The following PCCA variants were observed in gnomAD, a reference collection of about 807,000 sequenced individuals.
PCCA encodes the protein propionyl-CoA carboxylase subunit alpha.
Under a neutral mutation model 101.3 loss-of-function variants are expected in PCCA, and 74 were observed. The ratio of observed to expected loss-of-function variants is 0.73; its 90% CI spans 0.61 to 0.89. PCCA has a LOEUF of 0.89. Among genes scored for constraint, PCCA ranks in the 40% least tolerant of loss-of-function variants. The pLI is 0.00. For missense variants in PCCA, 891 were observed against 907.0 expected, an observed-to-expected ratio of 0.98 and a Z score of 0.23; for synonymous variants, 294 against 313.6, an observed-to-expected ratio of 0.94 and a Z score of 0.66.
rs77666270 is a variant in PCCA at position 100,502,614 on chromosome 13, T to C, written c.1900-12813T>C. Among the ~76,000 whole-genome samples the C allele has an allele frequency of 3.0e-3, 464 of 152,372 alleles. 2 individuals are homozygous for C. The highest frequency in any genetic ancestry group is 0.01 in the African/African-American group (435 of 41,594). The stretch of plus-strand genomic sequence containing the variant: ...GGGAATCGACCTTAACTTCTGTGAC[T>C]AAAGCTTTTGGCAGTTACTTTTGGC... On this transcript the variant is annotated intron_variant, in intron 21 of 23. Coordinates refer to ENST00000376285, the MANE Select transcript of PCCA (RefSeq NM_000282.4).
At chr13:100,505,600 C>G (rs933090449) in intron 21 of PCCA, among the ~76,000 whole-genome samples, 7 of 152,210 alleles carry the variant, frequency 4.6e-5, no homozygotes, top group African/African-American at 9.6e-5. Flanking sequence ...TGCAGTGACT[C>G]ATGCCTGTAA....
intron 22 of PCCA, among the ~76,000 whole-genome samples, chr13:100,523,706 G>C (rs1014915225): frequency 2.0e-5 from 3 of 152,214 alleles, no homozygotes; most frequent in African/African-American, 4.8e-5. Flanking sequence ...CAATAAGCTG[G>C]ATGAAAGATA....
chr13:100,438,942 A>G (rs545400707), intron 20 of PCCA, among the ~76,000 whole-genome samples: 1 of 152,354 alleles, frequency 6.6e-6, no homozygotes, highest in East Asian at 1.9e-4. Flanking sequence ...CAGTATCTTA[A>G]ACAATGGAAC....
At chr13:100,527,880 G>A (rs1368063361) in intron 23 of PCCA, 128 bp downstream of exon 23, 2 of 762,664 alleles carry the variant, frequency 2.6e-6, no homozygotes, top group Non-Finnish European at 4.7e-6. Flanking sequence ...TACAGAGGAG[G>A]ACGTTAGGAT....
At chr13:100,323,408 A>G (rs1595341690) in intron 16 of PCCA, among the ~76,000 whole-genome samples, 1 of 150,522 alleles carries the variant, frequency 6.6e-6, no homozygotes, top group Non-Finnish European at 1.5e-5. Context: ...TACAACCTTC[A>G]CCTCCCGGCT....
At chr13:100,322,632 G>C (rs1278319171) in intron 16 of PCCA, among the ~76,000 whole-genome samples, 1 of 151,054 alleles carries the variant, frequency 6.6e-6, no homozygotes, top group African/African-American at 2.4e-5. Context: ...GTACAGTGAT[G>C]CAGCCGTAGC....
intron 20 of PCCA, among the ~76,000 whole-genome samples, chr13:100,440,213 A>G: frequency 8.2e-6 from 1 of 121,910 alleles, no homozygotes; most frequent in South Asian, 2.8e-4. Flanking sequence ...TATATATAAA[A>G]CGTGATAACT....
chr13:100,480,933 G>T (rs983275078), intron 21 of PCCA: 1 of 152,280 alleles, frequency 6.6e-6, no homozygotes, highest in Non-Finnish European at 1.5e-5. Flanking sequence ...AAAATCCCCA[G>T]GGGATGCCTA....
At chr13:100,150,564 G>T in intron 4 of PCCA, 4 of 1,263,510 alleles carry the variant, frequency 3.2e-6, no homozygotes, top group South Asian at 2.4e-5. Flanking sequence ...TGGAACTTAC[G>T]GCCGTTTCCA....
At chr13:100,100,502 CA>C (rs2047175619) in intron 1 of PCCA, among the ~76,000 whole-genome samples, 1 of 152,322 alleles carries the variant, frequency 6.6e-6, no homozygotes, top group South Asian at 2.1e-4. Context: ...ACATGCTTAA[CA>C]AAAACAACAA....
At chr13:100,385,367 A>G (rs1429466611) in intron 19 of PCCA, among the ~76,000 whole-genome samples, 1 of 152,228 alleles carries the variant, frequency 6.6e-6, no homozygotes, top group Non-Finnish European at 1.5e-5. Flanking sequence ...GAAAATTTGC[A>G]GTTCATTTTA....
chr13:100,509,825 TTTTTTG>T (rs1001744768), intron 21 of PCCA, among the ~76,000 whole-genome samples: 1 of 136,316 alleles, frequency 7.3e-6, no homozygotes, highest in African/African-American at 2.7e-5. Context: ...GTTTTGTGTT[TTTTTTG>T]TTTTGTTTTG....
At chr13:100,185,905 C>T (rs2057224546) in intron 6 of PCCA, among the ~76,000 whole-genome samples, 1 of 152,194 alleles carries the variant, frequency 6.6e-6, no homozygotes. Flanking sequence ...CCTTGGCCTC[C>T]CAAAGTGCTG....
At chr13:100,409,886 G>A (rs2077925858) in intron 19 of PCCA, among the ~76,000 whole-genome samples, 1 of 152,086 alleles carries the variant, frequency 6.6e-6, no homozygotes, top group Non-Finnish European at 1.5e-5. Context: ...AACCTGTTGA[G>A]TAGCTGTTGG....
intron 19 of PCCA, among the ~76,000 whole-genome samples, chr13:100,424,453 C>T (rs1016708231): frequency 2.6e-5 from 4 of 152,088 alleles, no homozygotes; most frequent in Admixed American, 6.6e-5. Flanking sequence ...ATTCCTATCA[C>T]GATGTACTTG....
chr13:100,115,261 C>T (rs542045003), intron 4 of PCCA, among the ~76,000 whole-genome samples: 2 of 152,078 alleles, frequency 1.3e-5, no homozygotes, highest in South Asian at 4.2e-4. Context: ...AGGATGGTTA[C>T]CAGAGGCTTG....
intron 6 of PCCA, among the ~76,000 whole-genome samples, chr13:100,183,775 C>T (rs764826828): frequency 2.0e-5 from 3 of 152,004 alleles, no homozygotes; most frequent in Non-Finnish European, 4.4e-5. Context: ...GCCCGGAAGG[C>T]GAGGGGCCCT....
intron 21 of PCCA, among the ~76,000 whole-genome samples, chr13:100,509,885 T>A (rs2086354256): frequency 6.7e-6 from 1 of 148,696 alleles, no homozygotes; most frequent in Admixed American, 6.8e-5. Context: ...ACTTCAAGCC[T>A]TGGGAAAGAA....
Position 100,137,871 on chromosome 13 carries a change from G to A in PCCA, c.301-17108G>A, listed in dbSNP as rs531695922. On this transcript the variant is annotated intron_variant, in intron 4 of 23. Transcript: ENST00000376285. ...GTCATCCAGGCTGGAGTGCAGTGGC[G>A]CGATTATGGCCCACTGCAGCCTCAG... Among the ~76,000 whole-genome samples the A allele has an allele frequency of 4.0e-5, 6 of 150,890 alleles. No homozygotes were observed. The South Asian group carries it at 6.3e-4, about 16-fold the overall frequency.
Sources: allele counts gnomAD v4.1 joint callset (sites outside exome capture counted in the v4.1 genomes callset), GRCh38; gene constraint gnomAD v4.1.1; transcripts MANE v1.5; gene names NCBI Gene and HGNC (gene_info 2026-07-23, HGNC 2026-07-21).